The following TANC2 variants were observed in gnomAD, a reference collection of about 807,000 sequenced individuals.
TANC2 encodes the protein protein TANC2.
Under a neutral mutation model 210.5 loss-of-function variants are expected in TANC2, and 26 were observed. The ratio of observed to expected loss-of-function variants is 0.12; its 90% CI spans 0.09 to 0.17. TANC2 has a LOEUF of 0.17. Among genes scored for constraint, TANC2 ranks in the 10% least tolerant of loss-of-function variants. The pLI is 1.00. For missense variants in TANC2, 2,129 were observed against 2,608.9 expected (o/e 0.82, Z 4.01); for synonymous variants, 931 against 967.1 (o/e 0.96, Z 0.69).
rs535684013 is a variant in TANC2 at position 63,411,731 on chromosome 17, A to C, written c.3765+45A>C. ...CCTCAAGAGAGCAGAGAGAGGGGCT[A>C]TTCTCCATCCATACTACCTGGGGTT... On this transcript the variant is annotated intron_variant, in intron 22 of 27. Coordinates refer to ENST00000689528, the Ensembl canonical transcript of TANC2. 6 of 1,567,018 alleles carry C rather than the reference A, an allele frequency of 3.8e-6. No homozygotes were observed. In the African/African-American group the frequency reaches 8.1e-5, roughly 21 times the overall value.
At chr17:62,999,850 C>T (rs946335588) in intron 1 of TANC2, among the ~76,000 whole-genome samples, 3 of 152,088 alleles carry the variant, frequency 2.0e-5, no homozygotes, top group Non-Finnish European at 2.9e-5. Flanking sequence ...TGCTCATCAG[C>T]GGTAGACTGG....
chr17:63,189,170 A>C (rs1203329660), intron 5 of TANC2, among the ~76,000 whole-genome samples: 1 of 151,956 alleles, frequency 6.6e-6, no homozygotes, highest in Non-Finnish European at 1.5e-5. Flanking sequence ...TTATTTATCC[A>C]TTCACCATTT....
intron 1 of TANC2, among the ~76,000 whole-genome samples, chr17:62,998,772 A>G (rs996192697): frequency 6.6e-6 from 1 of 152,194 alleles, no homozygotes; most frequent in African/African-American, 2.4e-5. Flanking sequence ...ATGGAAAAGA[A>G]AGACCATTAC....
intron 8 of TANC2, among the ~76,000 whole-genome samples, chr17:63,249,841 G>A (rs1391893297): frequency 6.6e-6 from 1 of 152,176 alleles, no homozygotes; most frequent in Non-Finnish European, 1.5e-5. Flanking sequence ...GCTCAAGTCA[G>A]CTAGAGTGAC....
chr17:63,178,190 G>A (rs535449179), intron 5 of TANC2, among the ~76,000 whole-genome samples: 26 of 152,240 alleles, frequency 1.7e-4, no homozygotes, highest in African/African-American at 5.5e-4. Context: ...AACATTAGCC[G>A]GGCGTGGTGG....
At chr17:63,241,869 C>T (rs934959348) in intron 8 of TANC2, among the ~76,000 whole-genome samples, 1 of 152,030 alleles carries the variant, frequency 6.6e-6, no homozygotes, top group African/African-American at 2.4e-5. Context: ...TATACTGATA[C>T]AAGATAGCAA....
chr17:63,047,492 T>C (rs2035428531), intron 2 of TANC2, among the ~76,000 whole-genome samples: 1 of 152,148 alleles, frequency 6.6e-6, no homozygotes, highest in African/African-American at 2.4e-5. Flanking sequence ...TAATATTTGA[T>C]GATGAATTCA....
intron 7 of TANC2, among the ~76,000 whole-genome samples, chr17:63,224,521 G>A (rs1237112424): frequency 6.6e-6 from 1 of 152,184 alleles, no homozygotes; most frequent in East Asian, 1.9e-4. Context: ...TTACAGGCGT[G>A]AGCCACCACA....
intron 7 of TANC2, among the ~76,000 whole-genome samples, chr17:63,230,941 G>A (rs2042459320): frequency 6.6e-6 from 1 of 152,054 alleles, no homozygotes; most frequent in Non-Finnish European, 1.5e-5. Context: ...TATGAATCTG[G>A]GTGCTCCTGT....
intron 9 of TANC2, among the ~76,000 whole-genome samples, chr17:63,283,098 G>C (rs1157516735): frequency 6.6e-6 from 1 of 151,938 alleles, no homozygotes; most frequent in Non-Finnish European, 1.5e-5. Context: ...TTAGGTATCT[G>C]ATTGATTTTG....
chr17:63,241,926 T>G (rs2042785224), intron 8 of TANC2, among the ~76,000 whole-genome samples: 3 of 152,268 alleles, frequency 2.0e-5, no homozygotes, highest in Non-Finnish European at 4.4e-5. Flanking sequence ...AAATTGACCC[T>G]TAAGTTTTAA....
intron 8 of TANC2, among the ~76,000 whole-genome samples, chr17:63,263,199 A>C (rs900698996): frequency 1.3e-5 from 2 of 152,180 alleles, no homozygotes; most frequent in Non-Finnish European, 2.9e-5. Context: ...GTAAAACTCT[A>C]TATATTAATA....
At chr17:63,198,765 G>GA (rs1001193353) in intron 6 of TANC2, among the ~76,000 whole-genome samples, 1 of 150,470 alleles carries the variant, frequency 6.6e-6, no homozygotes, top group African/African-American at 2.5e-5. Flanking sequence ...CTCTGTAAGG[G>GA]AAAAAAGATT....
At chr17:63,401,042 C>T (rs1567987332) in intron 19 of TANC2, among the ~76,000 whole-genome samples, 1 of 152,160 alleles carries the variant, frequency 6.6e-6, no homozygotes, top group African/African-American at 2.4e-5. Context: ...GACCCTAGAA[C>T]TCATCACTAG....
At chr17:63,038,623 TGTTTA>T (rs2035066808) in intron 2 of TANC2, among the ~76,000 whole-genome samples, 1 of 152,214 alleles carries the variant, frequency 6.6e-6, no homozygotes, top group Non-Finnish European at 1.5e-5. Context: ...AGAATTCACC[TGTTTA>T]GTTATTTGGG....
rs190696341 is a variant in TANC2 at position 63,359,685 on chromosome 17, A to G, written c.2582+4295A>G. On this transcript the variant is annotated intron_variant, in intron 14 of 27. Transcript: ENST00000689528. ...TTTTTAAATGTTTGAATAAGATACA[A>G]GAAGCTTGTTGTGAACTTCATGTAA... 6.6e-5 allele frequency among the ~76,000 whole-genome samples: 10 copies of G among 152,310 alleles called. No individual in the cohort carries two copies. The East Asian group carries it at 1.5e-3, about 23-fold the overall frequency.
intron 3 of TANC2, among the ~76,000 whole-genome samples, chr17:63,092,528 GAA>G (rs1309392719): frequency 6.6e-6 from 1 of 151,978 alleles, no homozygotes; most frequent in African/African-American, 2.4e-5. Context: ...AGTATATAAA[GAA>G]AAGAGGTTTA....
chr17:63,025,573 A>C (rs1036922688), intron 2 of TANC2, among the ~76,000 whole-genome samples: 1 of 152,124 alleles, frequency 6.6e-6, no homozygotes, highest in Admixed American at 6.6e-5. Context: ...AGGTGGGCGG[A>C]TCACATGAGG....
intron 8 of TANC2, among the ~76,000 whole-genome samples, chr17:63,256,190 G>A (rs2043190204): frequency 6.6e-6 from 1 of 152,156 alleles, no homozygotes; most frequent in Non-Finnish European, 1.5e-5. Flanking sequence ...TTACAGGCAT[G>A]AGCCACTGCT....
Sources: gnomAD v4.1 joint callset for allele counts (sites outside exome capture counted in the v4.1 genomes callset) on GRCh38, gnomAD v4.1.1 for gene constraint, MANE v1.5 for transcripts, NCBI Gene and HGNC (gene_info 2026-07-23, HGNC 2026-07-21) for gene names.